SAMD4A: variants seen among roughly 807,000 people sequenced by gnomAD.
SAMD4A encodes sterile alpha motif domain containing 4A, also known as protein Smaug homolog 1.
In SAMD4A, 33 loss-of-function variants were observed where a neutral mutation model predicts 81.3. The ratio of observed to expected loss-of-function variants is 0.41; its 90% CI spans 0.31 to 0.54. SAMD4A has a LOEUF of 0.54. SAMD4A is among the 20% of genes least tolerant of loss of function. The pLI is 0.37. For missense variants in SAMD4A, 854 were observed against 951.1 expected (o/e 0.90, Z 1.34); for synonymous variants, 389 against 382.1 (o/e 1.02, Z -0.21).
chr14:54,788,982 C>A lies in SAMD4A; in HGVS notation c.*38C>A, dbSNP rs757264927. Reference sequence around the variant, plus strand: ...AGAGTGACCGCGCTGGCCGTGAAATCGACTGCTGCGGGTCCAGTGTCCGCC... The same window carrying A: ...AGAGTGACCGCGCTGGCCGTGAAATAGACTGCTGCGGGTCCAGTGTCCGCC... On this transcript the variant is annotated 3_prime_UTR_variant, in exon 13 of 13. Coordinates refer to ENST00000554335, the MANE Select transcript of SAMD4A (RefSeq NM_015589.6). The A allele has an allele frequency of 6.2e-7, 1 of 1,610,684 alleles. No homozygotes were observed. Among genetic ancestry groups the A allele is most frequent in the Non-Finnish European group, 8.5e-7 (1 of 1,176,846 alleles).
At chr14:54,762,344 A>G (rs1437908349) in intron 7 of SAMD4A, among the ~76,000 whole-genome samples, 2 of 152,184 alleles carry the variant, frequency 1.3e-5, no homozygotes, top group Non-Finnish European at 2.9e-5. Flanking sequence ...AATATTTCAG[A>G]CCATTTTAAA....
intron 2 of SAMD4A, among the ~76,000 whole-genome samples, chr14:54,576,600 C>T (rs148587963): frequency 2.6e-5 from 4 of 152,210 alleles, no homozygotes; most frequent in Non-Finnish European, 4.4e-5. Flanking sequence ...GAGGATGGAC[C>T]GTGGAGAACT....
intron 4 of SAMD4A, among the ~76,000 whole-genome samples, chr14:54,741,900 G>C (rs1383677519): frequency 6.6e-6 from 1 of 152,188 alleles, no homozygotes; most frequent in African/African-American, 2.4e-5. Flanking sequence ...ATGGGAAAAA[G>C]AGGTCTGGAG....
At chr14:54,599,965 G>C (rs899903820) in intron 2 of SAMD4A, among the ~76,000 whole-genome samples, 1 of 152,164 alleles carries the variant, frequency 6.6e-6, no homozygotes, top group East Asian at 1.9e-4. Context: ...ATCCTGGAGA[G>C]AAGAGACATG....
intron 6 of SAMD4A, 80 bp from the exon 7 acceptor site, chr14:54,760,081 A>G: frequency 1.4e-6 from 2 of 1,410,404 alleles, no homozygotes; most frequent in South Asian, 2.6e-5. Flanking sequence ...GTAAGAGCTC[A>G]GGGCAGGGGA....
At chr14:54,683,553 C>T (rs556443463) in intron 2 of SAMD4A, among the ~76,000 whole-genome samples, 9 of 152,318 alleles carry the variant, frequency 5.9e-5, no homozygotes, top group African/African-American at 2.2e-4. Context: ...TCATCCCCTT[C>T]CTGGCAGAGC....
intron 2 of SAMD4A, among the ~76,000 whole-genome samples, chr14:54,589,897 C>T (rs980289207): frequency 1.3e-5 from 2 of 152,180 alleles, no homozygotes; most frequent in Non-Finnish European, 2.9e-5. Flanking sequence ...AAAGCCTTCC[C>T]AACCATCTCT....
intron 2 of SAMD4A, among the ~76,000 whole-genome samples, chr14:54,580,999 T>C (rs1271237564): frequency 4.6e-5 from 7 of 152,190 alleles, no homozygotes; most frequent in Non-Finnish European, 8.8e-5. Context: ...CCAAGATACA[T>C]GTGATAAAGG....
At chr14:54,759,980 G>T (rs574456711) in intron 6 of SAMD4A, among the ~76,000 whole-genome samples, 181 bp from the exon 7 acceptor site, 12 of 152,264 alleles carry the variant, frequency 7.9e-5, no homozygotes, top group African/African-American at 2.9e-4. Flanking sequence ...TTTTCCAAGT[G>T]TTCTTCCTGG....
At chr14:54,781,142 T>C (rs905850797) in intron 11 of SAMD4A, among the ~76,000 whole-genome samples, 3 of 152,230 alleles carry the variant, frequency 2.0e-5, no homozygotes, top group African/African-American at 7.2e-5. Flanking sequence ...TTGCCTCCGC[T>C]GTCATTGGCA....
At chr14:54,734,222 G>A (rs1211107793) in intron 3 of SAMD4A, among the ~76,000 whole-genome samples, 1 of 152,220 alleles carries the variant, frequency 6.6e-6, no homozygotes, top group East Asian at 1.9e-4. Context: ...TTCCTTTGGA[G>A]AACAGAGGCA....
At chr14:54,774,127 A>AGGGAGGC (rs1334245531) in intron 9 of SAMD4A, among the ~76,000 whole-genome samples, 5 of 152,248 alleles carry the variant, frequency 3.3e-5, no homozygotes, top group Admixed American at 2.0e-4. Flanking sequence ...AAGATGCGGT[A>AGGGAGGC]GGGAGGCGCA....
At chr14:54,646,376 C>G (rs2035287816) in intron 2 of SAMD4A, among the ~76,000 whole-genome samples, 1 of 152,234 alleles carries the variant, frequency 6.6e-6, no homozygotes, top group African/African-American at 2.4e-5. Flanking sequence ...TTCCCGTGCT[C>G]TGGCACCAGA....
intron 5 of SAMD4A, among the ~76,000 whole-genome samples, chr14:54,749,618 A>G (rs1296194488): frequency 6.6e-6 from 1 of 152,192 alleles, no homozygotes; most frequent in African/African-American, 2.4e-5. Flanking sequence ...CTTCTAAGGC[A>G]TCTTTCCCCG....
chr14:54,725,789 A>G (rs914849603), intron 3 of SAMD4A, among the ~76,000 whole-genome samples: 1 of 152,178 alleles, frequency 6.6e-6, no homozygotes, highest in Non-Finnish European at 1.5e-5. Context: ...AATGGGGAAA[A>G]CTTTAGGTAC....
chr14:54,613,452 T>G (rs1202639019), intron 2 of SAMD4A, among the ~76,000 whole-genome samples: 1 of 152,188 alleles, frequency 6.6e-6, no homozygotes, highest in East Asian at 1.9e-4. Flanking sequence ...CCTGATGTAA[T>G]AAAAATATCT....
chr14:54,725,676 A>G (rs2037396398), intron 3 of SAMD4A, among the ~76,000 whole-genome samples: 1 of 152,244 alleles, frequency 6.6e-6, no homozygotes, highest in Non-Finnish European at 1.5e-5. Context: ...ACAGCTAACA[A>G]CTAATATTTC....
In SAMD4A at chr14:54,788,977, G is replaced by A. The variant is rs2039211378; in HGVS notation, c.*33G>A. On this transcript the variant is annotated 3_prime_UTR_variant, in exon 13 of 13. Transcript: ENST00000554335. ...AGACGAGAGTGACCGCGCTGGCCGT[G>A]AAATCGACTGCTGCGGGTCCAGTGT... 1 of 1,612,316 alleles carries A rather than the reference G, an allele frequency of 6.2e-7. No homozygotes were observed. The highest frequency in any genetic ancestry group is 1.3e-5 in the African/African-American group (1 of 75,006).
chr14:54,640,674 G>A (rs1411662855), intron 2 of SAMD4A, among the ~76,000 whole-genome samples: 2 of 152,070 alleles, frequency 1.3e-5, no homozygotes, highest in Non-Finnish European at 2.9e-5. Context: ...ACGAGGCTTT[G>A]GGGATGGCAG....
Sources: allele counts gnomAD v4.1 joint callset (sites outside exome capture counted in the v4.1 genomes callset), GRCh38; gene constraint gnomAD v4.1.1; transcripts MANE v1.5; gene names NCBI Gene and HGNC (gene_info 2026-07-23, HGNC 2026-07-21).